Variants in DDX19B observed in about 807,000 individuals in gnomAD.
DDX19B encodes the protein DEAD-box helicase 19B, also known as ATP-dependent RNA helicase DDX19B.
DDX19B carries 27 observed loss-of-function variants against 58.1 expected under a neutral mutation model. That is an observed-to-expected ratio of 0.46 (90% CI 0.34 to 0.64). DDX19B has a LOEUF of 0.64. Among genes scored for constraint, DDX19B ranks in the 30% least tolerant of loss-of-function variants. DDX19B has a pLI of 0.01. For missense variants in DDX19B, 399 were observed against 596.5 expected (o/e 0.67, Z 3.45); for synonymous variants, 187 against 214.4 (o/e 0.87, Z 1.12).
chr16:70,300,432 T>C (rs1961434256), intron 1 of DDX19B, among the ~76,000 whole-genome samples: 1 of 152,150 alleles, frequency 6.6e-6, no homozygotes. Flanking sequence ...GGTCTCGAAC[T>C]CCAGCGTGCA....
At chr16:70,325,280 G>A (rs574291903) in intron 6 of DDX19B, among the ~76,000 whole-genome samples, 116 of 152,266 alleles carry the variant, frequency 7.6e-4, no homozygotes, top group African/African-American at 2.6e-3. Flanking sequence ...AGAGCTTTCT[G>A]AGTAAACGAA....
chr16:70,320,365 C>A (rs1028763159), intron 5 of DDX19B, among the ~76,000 whole-genome samples: 1 of 150,664 alleles, frequency 6.6e-6, no homozygotes, highest in Non-Finnish European at 1.5e-5. Flanking sequence ...ACCTTGGCCT[C>A]CCCCAGTTTT....
chr16:70,311,230 A>G (rs2152193909), intron 1 of DDX19B, among the ~76,000 whole-genome samples: 1 of 151,252 alleles, frequency 6.6e-6, no homozygotes, highest in African/African-American at 2.4e-5. Context: ...AATACAAAAA[A>G]TTAGCCGGGC....
chr16:70,333,047 C>T lies in DDX19B; in HGVS notation c.1266C>T (p.Thr422=), dbSNP rs766985951. 1.2e-6 allele frequency: 2 copies of T among 1,612,294 alleles called. No homozygotes were observed. Among genetic ancestry groups the T allele is most frequent in the Non-Finnish European group, 1.7e-6 (2 of 1,179,194 alleles). Residue 422 remains threonine, a synonymous_variant, in exon 11 of 12, where the codon ACC becomes ACT. Coordinates refer to ENST00000288071, the MANE Select transcript of DDX19B (RefSeq NM_007242.7). ...AGGACGGGAATCCTGACAATGAGAC[C>T]TACCTGCACCGGATCGGGCGCACGG... ...VDKDGNPDNE[T]YLHRIGRTGR... is the part of the protein sequence containing the mutation.
chr16:70,329,608 C>G, intron 8 of DDX19B, 139 bp downstream of exon 8: 2 of 1,370,616 alleles, frequency 1.5e-6, no homozygotes, highest in African/African-American at 1.4e-5. Context: ...GGGCCACTTC[C>G]GTGTCAGCGC....
At chr16:70,299,482 T>G (rs1488755452) in intron 1 of DDX19B, 128 bp downstream of exon 1, 2 of 1,150,826 alleles carry the variant, frequency 1.7e-6, no homozygotes, top group Non-Finnish European at 2.3e-6. Context: ...GGATGGAGCC[T>G]GGACCCTGAG....
upstream of DDX19B, among the ~76,000 whole-genome samples, chr16:70,294,411 G>A (rs1458232158): frequency 2.6e-5 from 4 of 152,126 alleles, no homozygotes; most frequent in Non-Finnish European, 5.9e-5. Context: ...GGCTTCAGGC[G>A]ATATCTATGC....
upstream of DDX19B, among the ~76,000 whole-genome samples, chr16:70,292,607 T>C (rs926775893): frequency 3.3e-5 from 5 of 152,094 alleles, no homozygotes; most frequent in Admixed American, 6.5e-5. Flanking sequence ...GTGCAAATTA[T>C]GTATTTTAGG....
chr16:70,298,528 A>G (rs953675675), upstream of DDX19B, among the ~76,000 whole-genome samples: 1 of 151,598 alleles, frequency 6.6e-6, no homozygotes, highest in Non-Finnish European at 1.5e-5. Flanking sequence ...TTGCTCTGTC[A>G]CCCAGGCTGG....
rs1434684486 is a variant in DDX19B at position 70,331,830 on chromosome 16, C to T, written c.1132C>T (p.Arg378Cys). 6.8e-6 allele frequency: 11 copies of T among 1,614,042 alleles called. 1 individual carries two copies. The highest frequency in any genetic ancestry group is 6.6e-5 in the South Asian group (6 of 91,074). ...GGAACAGAGGGCTGCAGTGATTGAGCGCTTCCGAGAGGGCAAAGAGAAGGT... is the reference window on the plus strand; with the variant it reads ...GGAACAGAGGGCTGCAGTGATTGAGTGCTTCCGAGAGGGCAAAGAGAAGGT... ...MVEQRAAVIE[R>C]FREGKEKVLV... The change falls in exon 10 of 12, where the codon CGC becomes TGC. Residue 378 changes from arginine (R) to cysteine (C), a missense_variant. By Grantham distance (180) the Arg-to-Cys change is radical. Around this residue, in one of 4 missense-constraint regions of DDX19B, gnomAD observed 198 missense variants for 345.9 expected, o/e 0.57. Transcript: ENST00000288071.
chr16:70,301,169 C>T (rs1002725682), intron 1 of DDX19B, among the ~76,000 whole-genome samples: 6 of 152,140 alleles, frequency 3.9e-5, no homozygotes, highest in African/African-American at 1.4e-4. Flanking sequence ...TGTACCCCTA[C>T]TTTTCCATCT....
At chr16:70,300,998 A>G (rs1333922043) in intron 1 of DDX19B, among the ~76,000 whole-genome samples, 1 of 151,974 alleles carries the variant, frequency 6.6e-6, no homozygotes. Flanking sequence ...CATTTCTCCT[A>G]GGCCTTTAAG....
At chr16:70,329,237 A>G (rs1362108775) in intron 7 of DDX19B, 55 bp from the exon 8 acceptor site, 2 of 1,569,080 alleles carry the variant, frequency 1.3e-6, no homozygotes, top group Non-Finnish European at 1.7e-6. Flanking sequence ...AAAAAAAAAA[A>G]AAAAAAGAAA....
Position 70,333,209 on chromosome 16 carries a change from G to A in DDX19B, c.1378+50G>A, listed in dbSNP as rs1338451467. The A allele has an allele frequency of 2.5e-5, 23 of 917,014 alleles. No homozygotes were observed. In the East Asian group the frequency reaches 3.2e-4, roughly 13 times the overall value. The allele number at this position is 917,014 out of a possible 1,614,324, so 56.8% of individuals were successfully genotyped here. On this transcript the variant is annotated intron_variant, in intron 11 of 11. Transcript: ENST00000288071. Reference sequence around the variant, plus strand: ...CCTGGCGCCCTTTGCTAAGTAGGGCGGGGTGGTGAAAGGGGTAGGATCTTC... The same window carrying A: ...CCTGGCGCCCTTTGCTAAGTAGGGCAGGGTGGTGAAAGGGGTAGGATCTTC...
At chr16:70,324,726 G>T (rs1370445941) in intron 6 of DDX19B, 39 bp downstream of exon 6, 1 of 1,559,590 alleles carries the variant, frequency 6.4e-7, no homozygotes, top group Admixed American at 1.8e-5. Context: ...CTAATGCATA[G>T]ATAGAAGGGG....
chr16:70,329,852 G>A lies in DDX19B; in HGVS notation c.807G>A (p.Gln269=). 6.2e-7 allele frequency: 1 copy of A among 1,614,226 alleles called. No individual in the cohort carries two copies. The highest frequency in any genetic ancestry group is 1.1e-5 in the South Asian group (1 of 91,092). Residue 269 remains glutamine (Q), a synonymous_variant, in exon 9 of 12, where the codon CAG becomes CAA. Transcript: ENST00000288071. ...GCAGGATGCTGCCCAGGAACTGCCAGATGCTGCTTTTCTCCGCCACCTTTG... is the reference window on the plus strand; with the variant it reads ...GCAGGATGCTGCCCAGGAACTGCCAAATGCTGCTTTTCTCCGCCACCTTTG... ...RIQRMLPRNC[Q]MLLFSATFED... is the part of the protein sequence containing the mutation.
intron 7 of DDX19B, among the ~76,000 whole-genome samples, chr16:70,328,009 C>T (rs1216186919): frequency 2.0e-5 from 3 of 151,904 alleles, no homozygotes; most frequent in Non-Finnish European, 4.4e-5. Flanking sequence ...AAAATATTAG[C>T]TGGGCATGGT....
chr16:70,314,438 G>A (rs185462950), intron 2 of DDX19B, among the ~76,000 whole-genome samples: 12 of 152,046 alleles, frequency 7.9e-5, no homozygotes, highest in South Asian at 2.1e-4. Flanking sequence ...CAAGGCAGGC[G>A]GATCACGAGG....
rs1450966439 is a variant in DDX19B at position 70,299,222 on chromosome 16, G to T, written c.-76G>T. The T allele has an allele frequency of 2.1e-6, 3 of 1,451,366 alleles. No homozygotes were observed. The highest frequency in any genetic ancestry group is 5.3e-5 in the East Asian group (2 of 38,002). The allele number at this position is 1,451,366 out of a possible 1,614,324, so 89.9% of individuals were successfully genotyped here. A position where few individuals can be genotyped will look rare whatever the true frequency, so the allele number is the denominator to read the frequency against. The stretch of plus-strand genomic sequence containing the variant: ...GTGGGGCTGGAGCAGAGCCTGCCGC[G>T]AACCCCCGGAGCCCACGATCCCTCG... On this transcript the variant is annotated 5_prime_UTR_variant, in exon 1 of 12. Transcript: ENST00000288071.
Sources: allele counts gnomAD v4.1 joint callset (sites outside exome capture counted in the v4.1 genomes callset), GRCh38; gene constraint gnomAD v4.1.1; regional missense constraint gnomAD v4.1.1; transcripts MANE v1.5; gene names NCBI Gene and HGNC (gene_info 2026-07-23, HGNC 2026-07-21).